Variants in COL5A1 observed in about 807,000 individuals in gnomAD.
COL5A1 encodes collagen alpha-1(V) chain.
In COL5A1, 16 loss-of-function variants were observed where a neutral mutation model predicts 263.7. That is an observed-to-expected ratio of 0.06 (90% CI 0.04 to 0.09). The LOEUF is 0.09. COL5A1 is among the 10% of genes least tolerant of loss of function. The pLI is 1.00. For missense variants in COL5A1, 2,036 were observed against 2,540.5 expected (o/e 0.80, Z 4.27); for synonymous variants, 1,012 against 1,004.5 (o/e 1.01, Z -0.14).
intron 63 of COL5A1, among the ~76,000 whole-genome samples, chr9:134,827,977 CCTT>C (rs1265398273): frequency 1.3e-5 from 2 of 152,192 alleles, no homozygotes; most frequent in African/African-American, 4.8e-5. Context: ...CCTTTTCTGG[CCTT>C]CTTGGCACAA....
At chr9:134,803,628 T>C (rs1050396554) in intron 39 of COL5A1, among the ~76,000 whole-genome samples, 1 of 150,268 alleles carries the variant, frequency 6.7e-6, no homozygotes, top group Non-Finnish European at 1.5e-5. Context: ...CAAATGAAAC[T>C]CTGTTTTTAA....
At chr9:134,654,372 T>TG (rs1831830913) in intron 1 of COL5A1, among the ~76,000 whole-genome samples, 1 of 86,738 alleles carries the variant, frequency 1.2e-5, no homozygotes. Flanking sequence ...TGTGTAGGGC[T>TG]GGGGTGTATA....
At position 134,802,017 on chromosome 9, in the gene COL5A1, A is replaced by G; in HGVS notation, c.3006+10A>G. The G allele has an allele frequency of 1.9e-6, 3 of 1,613,134 alleles. No individual in the cohort carries two copies. The highest frequency in any genetic ancestry group is 2.2e-5 in the South Asian group (2 of 91,072). On this transcript the variant is annotated intron_variant, in intron 38 of 65. Transcript: ENST00000371817. Reference sequence around the variant, plus strand: ...CGTGGTCGGCCCTCAGGTAAGCTCCAGCCTTCCCAGATTCCATGGGTCACT... The same window carrying G: ...CGTGGTCGGCCCTCAGGTAAGCTCCGGCCTTCCCAGATTCCATGGGTCACT...
At chr9:134,724,322 A>AT (rs1192263373) in intron 4 of COL5A1, among the ~76,000 whole-genome samples, 1 of 152,204 alleles carries the variant, frequency 6.6e-6, no homozygotes, top group Non-Finnish European at 1.5e-5. Flanking sequence ...TTTTATGCTA[A>AT]TTTTTTCAGA....
At chr9:134,743,871 A>G (rs1835378190) in intron 11 of COL5A1, among the ~76,000 whole-genome samples, 1 of 152,142 alleles carries the variant, frequency 6.6e-6, no homozygotes, top group African/African-American at 2.4e-5. Flanking sequence ...ATGCCCTGAA[A>G]AACAGCAGTC....
chr9:134,814,225 C>A (rs975196592), intron 49 of COL5A1, among the ~76,000 whole-genome samples, 189 bp downstream of exon 49: 1 of 152,216 alleles, frequency 6.6e-6, no homozygotes, highest in Non-Finnish European at 1.5e-5. Context: ...CATGTACACG[C>A]AGACCTAGCA....
At chr9:134,802,112 C>T (rs1838136986) in intron 38 of COL5A1, 105 bp downstream of exon 38, 4 of 1,142,062 alleles carry the variant, frequency 3.5e-6, no homozygotes, top group South Asian at 1.2e-5. Context: ...TCCGGAGGTG[C>T]AGGTACTGCT....
At chr9:134,811,433 C>G in intron 45 of COL5A1, 41 bp downstream of exon 45, 3 of 1,613,178 alleles carry the variant, frequency 1.9e-6, no homozygotes, top group Middle Eastern at 1.7e-4. Context: ...AGCCCCACGC[C>G]CCCCCAGAGC....
chr9:134,838,486 C>T (rs926681941), intron 65 of COL5A1, among the ~76,000 whole-genome samples: 5 of 152,198 alleles, frequency 3.3e-5, no homozygotes, highest in South Asian at 2.1e-4. Context: ...GTGCAGCTGC[C>T]GTCCAGACCG....
chr9:134,792,912 T>C (rs1044255828), intron 32 of COL5A1, among the ~76,000 whole-genome samples: 17 of 39,158 alleles, frequency 4.3e-4, no homozygotes, highest in East Asian at 1.6e-3. Flanking sequence ...TGCACGCGCG[T>C]GTGTGTGCGC....
intron 2 of COL5A1, among the ~76,000 whole-genome samples, chr9:134,694,131 C>A (rs142560811): frequency 1.3e-5 from 2 of 152,186 alleles, no homozygotes; most frequent in African/African-American, 4.8e-5. Flanking sequence ...GCTGTTTCCC[C>A]GGCATCCGAT....
chr9:134,779,278 G>T (rs2132758235), intron 27 of COL5A1, among the ~76,000 whole-genome samples: 1 of 152,332 alleles, frequency 6.6e-6, no homozygotes, highest in East Asian at 1.9e-4. Context: ...AACAGCAAGG[G>T]TGTGGCTGCG....
At chr9:134,655,044 GGGCTGGTGTGTGT>G (rs1163648434) in intron 1 of COL5A1, among the ~76,000 whole-genome samples, 1 of 134,578 alleles carries the variant, frequency 7.4e-6, no homozygotes. Context: ...GGGGTGTGTA[GGGCTGGTGTGTGT>G]AGGGCTGGAG....
chr9:134,651,582 C>T (rs956145429), intron 1 of COL5A1, among the ~76,000 whole-genome samples: 1 of 152,228 alleles, frequency 6.6e-6, no homozygotes, highest in Non-Finnish European at 1.5e-5. Context: ...GTAGTTTCGT[C>T]TTTCTTCTGG....
Position 134,701,351 on chromosome 9 carries a change from C to CCAA in COL5A1, c.654+20_654+22dup. On this transcript the variant is annotated intron_variant, in intron 4 of 65. Transcript: ENST00000371817. ...TGTTTGAGGTGAGCAGGAGGGCAGACCAACCCCTGTGCCCACCAGGGCACT... is the reference window on the plus strand; with the variant it reads ...TGTTTGAGGTGAGCAGGAGGGCAGACCAACAACCCCTGTGCCCACCAGGGCACT... 6.2e-7 allele frequency: 1 copy of CCAA among 1,611,896 alleles called. No homozygotes were observed. The highest frequency in any genetic ancestry group is 8.5e-7 in the Non-Finnish European group (1 of 1,179,074).
intron 1 of COL5A1, among the ~76,000 whole-genome samples, chr9:134,666,392 T>G (rs956789364): frequency 1.3e-5 from 2 of 152,224 alleles, no homozygotes; most frequent in Non-Finnish European, 2.9e-5. Flanking sequence ...CATGGCCTTC[T>G]TCTCTGGAGA....
chr9:134,695,037 CT>C (rs1374930391), intron 2 of COL5A1, among the ~76,000 whole-genome samples: 7 of 152,324 alleles, frequency 4.6e-5, no homozygotes, highest in South Asian at 4.1e-4. Flanking sequence ...AGTGTCCCCC[CT>C]GGTCACCTGA....
Position 134,802,015 on chromosome 9 carries a change from C to A in COL5A1, c.3006+8C>A, listed in dbSNP as rs1386029156. 3.1e-6 allele frequency: 5 copies of A among 1,613,186 alleles called. No individual in the cohort carries two copies. Among genetic ancestry groups the A allele is most frequent in the Non-Finnish European group, 3.4e-6 (4 of 1,179,852 alleles). On this transcript the variant is annotated splice_region_variant and intron_variant, in intron 38 of 65. Coordinates refer to ENST00000371817, the MANE Select transcript of COL5A1 (RefSeq NM_000093.5). ...GGCGTGGTCGGCCCTCAGGTAAGCT[C>A]CAGCCTTCCCAGATTCCATGGGTCA...
At chr9:134,785,860 T>A in intron 30 of COL5A1, 135 bp from the exon 31 acceptor site, 1 of 785,682 alleles carries the variant, frequency 1.3e-6, no homozygotes. Flanking sequence ...TTCTGCATAA[T>A]GACGTGTGCC....
Sources: gnomAD v4.1 joint callset for allele counts (sites outside exome capture counted in the v4.1 genomes callset) on GRCh38, gnomAD v4.1.1 for gene constraint, MANE v1.5 for transcripts, NCBI Gene and HGNC (gene_info 2026-07-23, HGNC 2026-07-21) for gene names.